The following ARHGAP15 variants were observed in gnomAD, a reference collection of about 807,000 sequenced individuals.
The protein encoded by ARHGAP15 is rho GTPase-activating protein 15.
Under a neutral mutation model 63.7 loss-of-function variants are expected in ARHGAP15, and 51 were observed. The ratio of observed to expected loss-of-function variants is 0.80; its 90% CI spans 0.64 to 1.01. The LOEUF is 1.01. ARHGAP15 is among the 50% of genes least tolerant of loss of function. The pLI is 0.00. For synonymous variants in ARHGAP15, 191 were observed against 193.8 expected (o/e 0.99, Z 0.12); for missense variants, 560 against 564.6 (o/e 0.99, Z 0.08).
chr2:143,400,658 T>A (rs1251309517), intron 6 of ARHGAP15, among the ~76,000 whole-genome samples: 1 of 152,016 alleles, frequency 6.6e-6, no homozygotes, highest in Non-Finnish European at 1.5e-5. Flanking sequence ...TTTCAGTAAT[T>A]ACCTTTAGGA....
intron 2 of ARHGAP15, among the ~76,000 whole-genome samples, chr2:143,171,062 C>T (rs1033535124): frequency 2.0e-5 from 3 of 151,974 alleles, no homozygotes; most frequent in South Asian, 2.1e-4. Flanking sequence ...AGGGCAAAAA[C>T]ACAAGAATAG....
At chr2:143,534,293 G>A (rs568011887) in intron 10 of ARHGAP15, among the ~76,000 whole-genome samples, 3 of 152,204 alleles carry the variant, frequency 2.0e-5, no homozygotes, top group South Asian at 2.1e-4. Flanking sequence ...TAAGTCTTCC[G>A]AGGCCTCTCC....
intron 6 of ARHGAP15, among the ~76,000 whole-genome samples, chr2:143,272,072 A>G (rs1402925533): frequency 3.3e-5 from 5 of 152,192 alleles, no homozygotes; most frequent in African/African-American, 1.2e-4. Context: ...GATTTTACAC[A>G]TCAAGTGAAA....
chr2:143,240,485 C>T (rs1693823790), intron 5 of ARHGAP15, among the ~76,000 whole-genome samples: 1 of 152,022 alleles, frequency 6.6e-6, no homozygotes, highest in Non-Finnish European at 1.5e-5. Flanking sequence ...CTTATTCAGA[C>T]CCCTGCTTAA....
intron 8 of ARHGAP15, among the ~76,000 whole-genome samples, chr2:143,474,084 A>G (rs1691703696): frequency 1.3e-5 from 2 of 152,174 alleles, no homozygotes; most frequent in Admixed American, 6.5e-5. Context: ...GCTGAAACAC[A>G]TGGAAATTAT....
intron 11 of ARHGAP15, among the ~76,000 whole-genome samples, chr2:143,566,231 A>C (rs1696216672): frequency 6.6e-6 from 1 of 152,130 alleles, no homozygotes; most frequent in African/African-American, 2.4e-5. Flanking sequence ...ATGTGTATGG[A>C]CCCACTGGAG....
chr2:143,490,701 A>G (rs890114360), intron 9 of ARHGAP15, among the ~76,000 whole-genome samples: 3 of 151,956 alleles, frequency 2.0e-5, no homozygotes, highest in Non-Finnish European at 4.4e-5. Flanking sequence ...GCTCACTGCA[A>G]CCTCTGTGTC....
intron 6 of ARHGAP15, among the ~76,000 whole-genome samples, chr2:143,260,034 AATAAT>A (rs915656573): frequency 6.6e-6 from 1 of 152,140 alleles, no homozygotes; most frequent in African/African-American, 2.4e-5. Flanking sequence ...TGACTTTAGA[AATAAT>A]ATAATTTAGA....
chr2:143,708,527 G>A (rs547947958), intron 13 of ARHGAP15, among the ~76,000 whole-genome samples: 5 of 152,170 alleles, frequency 3.3e-5, no homozygotes, highest in Admixed American at 3.3e-4. Flanking sequence ...TGTTTGACAA[G>A]CTACATCACA....
In ARHGAP15 at chr2:143,583,925, C is replaced by T. The variant is rs1285674994; in HGVS notation, c.1003+27440C>T. Among the ~76,000 whole-genome samples the T allele has an allele frequency of 2.0e-5, 3 of 152,118 alleles. No homozygotes were observed. In the South Asian group the frequency reaches 6.2e-4, roughly 31 times the overall value. On this transcript the variant is annotated intron_variant, in intron 11 of 13. Coordinates refer to ENST00000295095, the MANE Select transcript of ARHGAP15 (RefSeq NM_018460.4). ...TTCTCACAATTTCAACTAAACTTTA[C>T]TTTTTAGCTAAATTAAGTGAAACTT...
Position 143,435,542 on chromosome 2 carries a change from A to T in ARHGAP15, c.475-59A>T, listed in dbSNP as rs1689571683. The T allele has an allele frequency of 3.4e-6, 5 of 1,451,886 alleles. No homozygotes were observed. The East Asian group carries it at 1.3e-4, about 38-fold the overall frequency. The allele number at this position is 1,451,886 out of a possible 1,614,324, so 89.9% of individuals were successfully genotyped here. On this transcript the variant is annotated intron_variant, in intron 6 of 13. Transcript: ENST00000295095. ...AAAAAAGGATTTTTACATGTAAGAG[A>T]TCTATCTTACATAGTTTCTTTACCT...
At chr2:143,413,560 T>G (rs1235193139) in intron 6 of ARHGAP15, among the ~76,000 whole-genome samples, 2 of 152,208 alleles carry the variant, frequency 1.3e-5, no homozygotes, top group East Asian at 3.9e-4. Flanking sequence ...TCTTGTGAAC[T>G]CTTTCACTTA....
At chr2:143,441,257 G>A (rs540486592) in intron 8 of ARHGAP15, among the ~76,000 whole-genome samples, 1 of 152,170 alleles carries the variant, frequency 6.6e-6, no homozygotes, top group East Asian at 1.9e-4. Context: ...TTGGATATGG[G>A]AGTCATAGCT....
chr2:143,680,018 G>A (rs1420770464), intron 12 of ARHGAP15, among the ~76,000 whole-genome samples: 3 of 53,296 alleles, frequency 5.6e-5, no homozygotes, highest in Non-Finnish European at 9.1e-5. Flanking sequence ...ATAAGTAAAT[G>A]ATTAAAAAAA....
At chr2:143,153,097 A>T (rs910324861) in intron 1 of ARHGAP15, among the ~76,000 whole-genome samples, 3 of 151,976 alleles carry the variant, frequency 2.0e-5, no homozygotes, top group African/African-American at 7.2e-5. Context: ...ATAGGAATGC[A>T]AATTTTGATT....
In ARHGAP15 at chr2:143,281,765, C is replaced by G. The variant is rs566662721; in HGVS notation, c.474+31165C>G. 4.6e-5 allele frequency among the ~76,000 whole-genome samples: 7 copies of G among 152,160 alleles called. No individual in the cohort carries two copies. The East Asian group carries it at 1.2e-3, about 25-fold the overall frequency. ...CATCTTCATTAGCAATGATAGACTCCGAATATTCTACTTTCCATTTTAAAG... is the reference window on the plus strand; with the variant it reads ...CATCTTCATTAGCAATGATAGACTCGGAATATTCTACTTTCCATTTTAAAG... On this transcript the variant is annotated intron_variant, in intron 6 of 13. Coordinates refer to ENST00000295095, the MANE Select transcript of ARHGAP15 (RefSeq NM_018460.4).
chr2:143,579,773 T>A (rs1391214656), intron 11 of ARHGAP15, among the ~76,000 whole-genome samples: 1 of 151,778 alleles, frequency 6.6e-6, no homozygotes, highest in Non-Finnish European at 1.5e-5. Flanking sequence ...ATTTGGGGGG[T>A]ATAATTTTAA....
chr2:143,718,117 A>G (rs934774825), intron 13 of ARHGAP15, among the ~76,000 whole-genome samples: 3 of 152,118 alleles, frequency 2.0e-5, no homozygotes, highest in African/African-American at 7.2e-5. Flanking sequence ...CTCATGCAAG[A>G]AAAAAGTACA....
rs1447377487 is a variant in ARHGAP15 at position 143,141,434 on chromosome 2, G to A, written c.-15+11968G>A. On this transcript the variant is annotated intron_variant, in intron 1 of 13. Transcript: ENST00000295095. Reference sequence around the variant, plus strand: ...TGACAAATACAGTGTCTGACTTTAAGGAGCCCACAGTCAATTTGGGCAGAA... The same window carrying A: ...TGACAAATACAGTGTCTGACTTTAAAGAGCCCACAGTCAATTTGGGCAGAA... 2.6e-5 allele frequency among the ~76,000 whole-genome samples: 4 copies of A among 152,176 alleles called. No homozygotes were observed. In the South Asian group the frequency reaches 8.3e-4, roughly 32 times the overall value.
Sources: allele counts gnomAD v4.1 joint callset (sites outside exome capture counted in the v4.1 genomes callset), GRCh38; gene constraint gnomAD v4.1.1; transcripts MANE v1.5; gene names NCBI Gene and HGNC (gene_info 2026-07-23, HGNC 2026-07-21).